The following AKAP19 variants were observed in gnomAD, a reference collection of about 807,000 sequenced individuals.
AKAP19 encodes A-kinase anchoring protein 19.
the AKAP19 span, among the ~76,000 whole-genome samples, chr2:190,058,802 A>G: frequency 3.9e-5 from 6 of 151,974 alleles, no homozygotes; most frequent in Admixed American, 2.6e-4. Flanking sequence ...TGCGTACGCA[A>G]AGACATACAG....
At chr2:189,910,469 A>G in the AKAP19 span, among the ~76,000 whole-genome samples, 1 of 152,030 alleles carries the variant, frequency 6.6e-6, no homozygotes, top group Non-Finnish European at 1.5e-5. Flanking sequence ...AGGCCAAACT[A>G]CTATAAACCA....
the AKAP19 span, among the ~76,000 whole-genome samples, chr2:189,932,564 G>A: frequency 6.6e-6 from 1 of 150,862 alleles, no homozygotes; most frequent in Non-Finnish European, 1.5e-5. Flanking sequence ...ACTACTATTG[G>A]TAGGAACTCG....
the AKAP19 span, among the ~76,000 whole-genome samples, chr2:189,984,317 C>G: frequency 6.6e-6 from 1 of 152,108 alleles, no homozygotes; most frequent in Non-Finnish European, 1.5e-5. Context: ...CCCCTAGGTG[C>G]GCATTCTCTT....
the AKAP19 span, among the ~76,000 whole-genome samples, chr2:189,899,817 A>G: frequency 6.6e-6 from 1 of 151,838 alleles, no homozygotes; most frequent in Non-Finnish European, 1.5e-5. Flanking sequence ...CTTTTTACCT[A>G]CTATTTAGTT....
At chr2:190,055,935 T>G in the AKAP19 span, 1 of 152,514 alleles carries the variant, frequency 6.6e-6, no homozygotes, top group African/African-American at 2.4e-5. Flanking sequence ...ATAGAGTCAA[T>G]TATTTTGGTA....
the AKAP19 span, among the ~76,000 whole-genome samples, chr2:190,089,269 T>C: frequency 3.3e-5 from 5 of 152,264 alleles, no homozygotes; most frequent in Non-Finnish European, 5.9e-5. Flanking sequence ...TATTTATTTA[T>C]TTTTACGCTG....
chr2:190,201,963 C>T, the AKAP19 span: 1 of 166,938 alleles, frequency 6.0e-6, no homozygotes, highest in African/African-American at 2.4e-5. Context: ...TCATCTGCTG[C>T]TTAAAATGTA....
the AKAP19 span, among the ~76,000 whole-genome samples, chr2:189,949,638 T>TC: frequency 6.8e-6 from 1 of 147,316 alleles, no homozygotes; most frequent in South Asian, 2.1e-4. Context: ...TTTCTTTTTT[T>TC]TTTTTTTTTT....
At chr2:190,019,274 A>T in the AKAP19 span, among the ~76,000 whole-genome samples, 2 of 152,038 alleles carry the variant, frequency 1.3e-5, no homozygotes, top group South Asian at 4.2e-4. Flanking sequence ...TCCTCTGGGA[A>T]GAGCTTGGGG....
the AKAP19 span, among the ~76,000 whole-genome samples, chr2:190,074,451 G>T: frequency 6.6e-6 from 1 of 152,070 alleles, no homozygotes; most frequent in Non-Finnish European, 1.5e-5. Flanking sequence ...AAGAGATCAA[G>T]ACCATCCTGG....
chr2:189,976,602 C>T, the AKAP19 span, among the ~76,000 whole-genome samples: 1 of 152,224 alleles, frequency 6.6e-6, no homozygotes, highest in Non-Finnish European at 1.5e-5. Flanking sequence ...AGGCAGGCCT[C>T]CTTGAGCTGC....
At chr2:189,932,056 TC>T in the AKAP19 span, among the ~76,000 whole-genome samples, 7 of 152,204 alleles carry the variant, frequency 4.6e-5, no homozygotes, top group African/African-American at 1.7e-4. Flanking sequence ...GAATCCCTCA[TC>T]GTGTTTAGTT....
chr2:189,991,972 A>G, the AKAP19 span, among the ~76,000 whole-genome samples: 1 of 151,598 alleles, frequency 6.6e-6, no homozygotes, highest in African/African-American at 2.4e-5. Flanking sequence ...CCCAGTTTAT[A>G]TTTTTATTTG....
At chr2:190,173,013 G>A in the AKAP19 span, among the ~76,000 whole-genome samples, 1 of 152,078 alleles carries the variant, frequency 6.6e-6, no homozygotes, top group Admixed American at 6.5e-5. Context: ...TACTCCAGAG[G>A]CTGAGGCAGG....
the AKAP19 span, among the ~76,000 whole-genome samples, chr2:189,932,130 A>G: frequency 1.8e-3 from 270 of 152,318 alleles, no homozygotes; most frequent in Admixed American, 3.4e-3. Flanking sequence ...CATGTGACCA[A>G]CAAGACCAAA....
chr2:190,002,515 A>C, the AKAP19 span, among the ~76,000 whole-genome samples: 2 of 152,300 alleles, frequency 1.3e-5, no homozygotes, highest in Middle Eastern at 3.4e-3. Flanking sequence ...CACATAGTGC[A>C]CATGTACCCT....
At chr2:189,957,638 C>T in the AKAP19 span, among the ~76,000 whole-genome samples, 1 of 152,036 alleles carries the variant, frequency 6.6e-6, no homozygotes, top group Non-Finnish European at 1.5e-5. Flanking sequence ...TGACAGTTTC[C>T]CAATTTCTAT....
At chr2:190,170,862 A>G in the AKAP19 span, among the ~76,000 whole-genome samples, 2 of 152,178 alleles carry the variant, frequency 1.3e-5, no homozygotes, top group Non-Finnish European at 2.9e-5. Flanking sequence ...TGGAATGTTG[A>G]TAAGAGACTG....
the AKAP19 span, among the ~76,000 whole-genome samples, chr2:190,162,055 A>T: frequency 1.3e-5 from 2 of 152,158 alleles, no homozygotes; most frequent in Non-Finnish European, 2.9e-5. Context: ...TGCAAAGGAC[A>T]TGACATTTAA....
Sources: allele counts gnomAD v4.1 joint callset (sites outside exome capture counted in the v4.1 genomes callset), GRCh38; gene constraint gnomAD v4.1.1; transcripts MANE v1.5; gene names NCBI Gene and HGNC (gene_info 2026-07-23, HGNC 2026-07-21).